Variants in GUSB observed in about 807,000 individuals in gnomAD.
GUSB encodes beta-glucuronidase.
In GUSB, 51 loss-of-function variants were observed where a neutral mutation model predicts 74.6. The ratio of observed to expected loss-of-function variants is 0.68; its 90% CI spans 0.55 to 0.86. The LOEUF (loss-of-function observed/expected upper bound fraction) is 0.86, where lower values mean the gene tolerates loss of function less well. Ranked by LOEUF, GUSB falls within the 40% of genes least tolerant of loss-of-function variation. GUSB has a pLI of 0.00. For missense variants in GUSB, 736 were observed against 853.7 expected (o/e 0.86, Z 1.72); for synonymous variants, 360 against 348.3 (o/e 1.03, Z -0.37).
chr7:65,971,056 G>A (rs1171135904), intron 8 of GUSB, among the ~76,000 whole-genome samples: 1 of 152,172 alleles, frequency 6.6e-6, no homozygotes, highest in Non-Finnish European at 1.5e-5. Context: ...TACCCCCAGA[G>A]GAGCAGCCAC....
rs1166045525 is a variant in GUSB at position 65,974,982 on chromosome 7, G to A, written c.1002C>T (p.Ser334=). Residue 334 remains serine (S), a synonymous_variant, in exon 6 of 12, where the codon AGC becomes AGT. Transcript: ENST00000304895. ...VGIRTVAVTK[S]QFLINGKPFY... ...AAGGTTTCCCATTGATGAGGAACTG[G>A]CTCTTGGTGACAGCCACAGTGCGGA... is the stretch of plus-strand genomic sequence containing the variant. 9 of 1,613,628 alleles carry A rather than the reference G, an allele frequency of 5.6e-6. No individual in the cohort carries two copies. The highest frequency in any genetic ancestry group is 5.5e-5 in the South Asian group (5 of 91,066).
At chr7:65,981,051 G>A (rs1183953341) in intron 1 of GUSB, among the ~76,000 whole-genome samples, 1 of 152,072 alleles carries the variant, frequency 6.6e-6, no homozygotes, top group Admixed American at 6.6e-5. Flanking sequence ...ACCTTCTCCC[G>A]ATCCCCGGGC....
rs765969571 is a variant in GUSB, at chr7:65,974,525, C to T, written c.1244+1G>A. ...GGAGCAGGTGCACAGCAGAGACTCA[C>T]GGCAGCGCCAGGCCCACGCCGGGAC... On this transcript the variant is annotated splice_donor_variant, in intron 7 of 11. Transcript: ENST00000304895. LOFTEE classifies it high-confidence loss of function. 9 of 1,614,024 alleles carry T rather than the reference C, an allele frequency of 5.6e-6. No individual in the cohort carries two copies. The highest frequency in any genetic ancestry group is 5.0e-5 in the Admixed American group (3 of 60,006).
rs769803627 is a variant in GUSB at position 65,974,325 on chromosome 7, G to C, written c.1361C>G (p.Ser454Cys). The change falls in exon 8 of 12, where the codon TCC (serine) becomes TGC (cysteine). Residue 454 changes from serine to cysteine, a missense_variant. Coordinates refer to ENST00000304895, the MANE Select transcript of GUSB (RefSeq NM_000181.4). ...GTAGTAGCCAGCAGATTCTAGGTGG[G>C]ACGCAGGCTCGTTGGCCACAGACCA... ...VMWSVANEPA[S>C]HLESAGYYLK... is the part of the protein sequence containing the mutation. 1.2e-6 allele frequency: 2 copies of C among 1,614,146 alleles called. No homozygotes were observed. Among genetic ancestry groups the C allele is most frequent in the Non-Finnish European group, 1.7e-6 (2 of 1,180,028 alleles).
chr7:65,976,160 AACAGGTT>A lies in GUSB; in HGVS notation c.760_766del (p.Asn254SerfsTer37). 6.2e-7 allele frequency: 1 copy of A among 1,613,714 alleles called. No homozygotes were observed. Among genetic ancestry groups the A allele is most frequent in the Non-Finnish European group, 8.5e-7 (1 of 1,179,896 alleles). ...ATCCAAAAGACGCACTTCCAACTTG[AACAGGTT>A]ACTGCCCTTGACAGAGATCTGGTAA... On this transcript the variant is annotated frameshift_variant, in exon 5 of 12. Transcript: ENST00000304895. LOFTEE classifies it high-confidence loss of function.
chr7:65,970,863 T>C (rs773270562), intron 8 of GUSB, among the ~76,000 whole-genome samples: 1 of 151,624 alleles, frequency 6.6e-6, no homozygotes, highest in Admixed American at 6.6e-5. Context: ...CACTCCAGCC[T>C]GGTCCACAGA....
intron 10 of GUSB, among the ~76,000 whole-genome samples, chr7:65,967,023 G>C (rs1250107773): frequency 6.6e-6 from 1 of 152,188 alleles, no homozygotes; most frequent in Non-Finnish European, 1.5e-5. Flanking sequence ...GAGCAAGCGA[G>C]GGCAGTGGAA....
Position 65,975,090 on chromosome 7 carries a change from C to G in GUSB, c.913-19G>C. 2 of 1,611,870 alleles carry G rather than the reference C, an allele frequency of 1.2e-6. No individual in the cohort carries two copies. Among genetic ancestry groups the G allele is most frequent in the Non-Finnish European group, 1.7e-6 (2 of 1,179,226 alleles). ...GCTGCACCTATGACAGCCAAAGCAC[C>G]AGGTGTGAGCACCCCGACAGCCTGA... is the stretch of plus-strand genomic sequence containing the variant. On this transcript the variant is annotated intron_variant, in intron 5 of 11. Transcript: ENST00000304895.
chr7:65,976,313 TTTTAAA>T (rs886805344), intron 4 of GUSB, 111 bp from the exon 5 acceptor site: 4 of 754,790 alleles, frequency 5.3e-6, no homozygotes, highest in Non-Finnish European at 8.9e-6. Flanking sequence ...CTGTTGCTTT[TTTTAAA>T]TTTAATTTCT....
Position 65,980,221 on chromosome 7 carries a change from G to C in GUSB, c.396+3C>G. ...CGCCCTGCCTGCTCCTGGCCGCACT[G>C]ACCACGATGGCATAGGAATGGGCAC... On this transcript the variant is annotated splice_donor_region_variant and intron_variant, in intron 2 of 11. Transcript: ENST00000304895. 9.5e-7 allele frequency: 1 copy of C among 1,056,014 alleles called. No homozygotes were observed. Among genetic ancestry groups the C allele is most frequent in the South Asian group, 1.3e-5 (1 of 79,256 alleles). The allele number at this position is 1,056,014 out of a possible 1,614,324, so 65.4% of individuals were successfully genotyped here.
intron 8 of GUSB, among the ~76,000 whole-genome samples, chr7:65,972,353 G>C (rs1302669178): frequency 2.6e-5 from 4 of 152,032 alleles, no homozygotes; most frequent in African/African-American, 9.7e-5. Context: ...GTAGAGACAG[G>C]GTTTCAATAT....
At chr7:65,973,686 G>A (rs1453624049) in intron 8 of GUSB, among the ~76,000 whole-genome samples, 3 of 152,142 alleles carry the variant, frequency 2.0e-5, no homozygotes, top group East Asian at 1.9e-4. Flanking sequence ...GAACCTGAGC[G>A]GCAGAGGTTG....
Position 65,974,536 on chromosome 7 carries a change from G to A in GUSB, c.1234C>T (p.Leu412=). ...ACAGCAGAGACTCACGGCAGCGCCA[G>A]GCCCACGCCGGGACACTCATCGATG... ...VVIDECPGVG[L]ALPQFFNNVS... Residue 412 remains leucine, a synonymous_variant, in exon 7 of 12, where the codon CTG becomes TTG. Coordinates refer to ENST00000304895, the MANE Select transcript of GUSB (RefSeq NM_000181.4). The A allele has an allele frequency of 6.2e-7, 1 of 1,614,176 alleles. No individual in the cohort carries two copies. The highest frequency in any genetic ancestry group is 8.5e-7 in the Non-Finnish European group (1 of 1,180,046).
intron 4 of GUSB, among the ~76,000 whole-genome samples, chr7:65,977,645 C>T (rs910134278): frequency 3.3e-5 from 5 of 151,810 alleles, no homozygotes; most frequent in African/African-American, 1.2e-4. Flanking sequence ...CCACCTTGGA[C>T]TCCCAAAGTG....
Position 65,964,382 on chromosome 7 carries a change from C to T in GUSB, c.1730G>A (p.Arg577His). 1.9e-6 allele frequency: 3 copies of T among 1,611,262 alleles called. No individual in the cohort carries two copies. The highest frequency in any genetic ancestry group is 2.5e-6 in the Non-Finnish European group (3 of 1,179,164). The change falls in exon 11 of 12, where the codon CGC (arginine) becomes CAC (histidine). Residue 577 changes from arginine (R) to histidine (H), a missense_variant. Physicochemically the swap from Arg to His is conservative, Grantham distance 29. Around this residue, in one of 2 missense-constraint regions of GUSB, gnomAD observed 368 missense variants for 489.9 expected, o/e 0.75. Transcript: ENST00000304895. Reference sequence around the variant, plus strand: ...GAGCTCTCCAACCACGTATTTTCTGCGTTTTTGATCCAGACCCAGATGGTA... The same window carrying T: ...GAGCTCTCCAACCACGTATTTTCTGTGTTTTTGATCCAGACCCAGATGGTA... ...EQYHLGLDQK[R>H]RKYVVGELIW...
chr7:65,979,568 G>T (rs776452519), intron 3 of GUSB, 27 bp from the exon 4 acceptor site: 27 of 1,613,866 alleles, frequency 1.7e-5, no homozygotes, highest in Non-Finnish European at 2.3e-5. Flanking sequence ...GTGGTTTGCT[G>T]GGCCCTTGCT....
At chr7:65,961,870 T>C (rs1305742169) in intron 11 of GUSB, among the ~76,000 whole-genome samples, 9 of 151,966 alleles carry the variant, frequency 5.9e-5, no homozygotes, top group East Asian at 1.9e-4. Flanking sequence ...GGCATGGTGG[T>C]GGGTGCCTGT....
chr7:65,963,502 C>T (rs1370791545), intron 11 of GUSB, among the ~76,000 whole-genome samples: 2 of 152,132 alleles, frequency 1.3e-5, no homozygotes, highest in Non-Finnish European at 2.9e-5. Flanking sequence ...CTTGGCAGCC[C>T]CTCATCCATC....
intron 8 of GUSB, among the ~76,000 whole-genome samples, chr7:65,973,203 G>A (rs1791328645): frequency 6.6e-6 from 1 of 152,178 alleles, no homozygotes; most frequent in South Asian, 2.1e-4. Context: ...TGTAATCCCA[G>A]CACTCTGGGA....
Sources: gnomAD v4.1 joint callset for allele counts (sites outside exome capture counted in the v4.1 genomes callset) on GRCh38, gnomAD v4.1.1 for gene constraint, gnomAD v4.1.1 regional missense constraint, MANE v1.5 for transcripts, NCBI Gene and HGNC (gene_info 2026-07-23, HGNC 2026-07-21) for gene names.